SPRED3: variants seen among roughly 807,000 people sequenced by gnomAD.
The protein encoded by SPRED3 is sprouty related EVH1 domain containing 3, also known as sprouty-related, EVH1 domain-containing protein 3.
A neutral mutation model predicts 37.6 loss-of-function variants in SPRED3; 23 were observed. The ratio of observed to expected loss-of-function variants is 0.61; its 90% CI spans 0.44 to 0.87. The LOEUF (loss-of-function observed/expected upper bound fraction) is 0.87. Ranked by LOEUF, SPRED3 falls within the 40% of genes least tolerant of loss-of-function variation. The pLI, the probability that SPRED3 is intolerant of heterozygous loss-of-function variation, is 0.00. For synonymous variants in SPRED3, 302 were observed against 279.6 expected (o/e 1.08, Z -0.80); for missense variants, 584 against 618.6 (o/e 0.94, Z 0.59).
intron 4 of SPRED3, among the ~76,000 whole-genome samples, chr19:38,393,840 G>A (rs1396657980): frequency 6.6e-6 from 1 of 152,182 alleles, no homozygotes; most frequent in Non-Finnish European, 1.5e-5. Flanking sequence ...GAAACCTTGG[G>A]AGTTGCCTAA....
At chr19:38,394,591 C>A in intron 4 of SPRED3, 52 bp from the exon 5 acceptor site, 4 of 1,556,554 alleles carry the variant, frequency 2.6e-6, no homozygotes, top group Non-Finnish European at 3.5e-6. Context: ...TATGTGAGGG[C>A]ATCGGCTGTG....
At chr19:38,394,400 T>C (rs1169122700) in intron 4 of SPRED3, 27 of 1,568,928 alleles carry the variant, frequency 1.7e-5, no homozygotes, top group Non-Finnish European at 2.4e-5. Flanking sequence ...CCCTTGACAG[T>C]GGCCCTAACC....
At chr19:38,394,298 A>G in intron 4 of SPRED3, 1 of 1,428,320 alleles carries the variant, frequency 7.0e-7, no homozygotes, top group Middle Eastern at 1.9e-4. Flanking sequence ...GATGTTCCTC[A>G]GGTTTGGCGA....
At position 38,395,727 on chromosome 19, in the gene SPRED3, C is replaced by G; in HGVS notation, c.815C>G (p.Ala272Gly). Reference sequence around the variant, plus strand: ...GAGGCTGCGCCCCCAGCGCCCCCCGCTCGCCCACCCCCCGGCCCGGGCCCA... The same window carrying G: ...GAGGCTGCGCCCCCAGCGCCCCCCGGTCGCCCACCCCCCGGCCCGGGCCCA... ...LTEAAPPAPP[A>G]RPPPGPGPSS... Residue 272 changes from alanine to glycine, a missense_variant, in exon 6 of 6, where the codon GCT becomes GGT. By Grantham distance (60) the Ala-to-Gly change is moderately conservative (BLOSUM62 0). Coordinates refer to ENST00000691638, the MANE Select transcript of SPRED3 (RefSeq NM_001394336.1). This position sits in a 1 kb window ranked among gnomAD's most constrained non-coding sequence, Gnocchi z 5.2. 2 of 1,452,618 alleles carry G rather than the reference C, an allele frequency of 1.4e-6. No individual in the cohort carries two copies. The highest frequency in any genetic ancestry group is 2.8e-5 in the South Asian group (2 of 72,718). 90.0% of individuals were successfully genotyped at this position (1,452,618 alleles called of 1,614,324 possible).
At chr19:38,393,751 G>A (rs998430898) in intron 4 of SPRED3, among the ~76,000 whole-genome samples, 5 of 152,210 alleles carry the variant, frequency 3.3e-5, no homozygotes, top group African/African-American at 1.2e-4. Flanking sequence ...CTGGCACACA[G>A]TAAGTGTTTA....
Position 38,391,997 on chromosome 19 carries a change from C to A in SPRED3, c.229C>A (p.Pro77Thr). The A allele has an allele frequency of 6.2e-7, 1 of 1,614,142 alleles. No individual in the cohort carries two copies. Among genetic ancestry groups the A allele is most frequent in the Non-Finnish European group, 8.5e-7 (1 of 1,180,032 alleles). Residue 77 changes from proline to threonine, a missense_variant, in exon 3 of 6, where the codon CCC (proline) becomes ACC (threonine). This residue lies in a region of SPRED3 where 88 missense variants were observed against 77.0 expected (regional missense o/e 1.14). Coordinates refer to ENST00000691638, the MANE Select transcript of SPRED3 (RefSeq NM_001394336.1). ...AGGCTTGGTTTACAACAAGGTGAAT[C>A]CCATCTTTCACCACTGGAGCCTGGG... ...KPGLVYNKVN[P>T]IFHHWSLGDC...
intron 2 of SPRED3, among the ~76,000 whole-genome samples, chr19:38,391,074 A>G (rs1241421091): frequency 6.6e-6 from 1 of 151,516 alleles, no homozygotes; most frequent in African/African-American, 2.4e-5. Flanking sequence ...TTTTTGGAGC[A>G]GGAGTCAGTG....
At chr19:38,390,263 C>T in intron 1 of SPRED3, 36 bp from the exon 2 acceptor site, 1 of 1,332,044 alleles carries the variant, frequency 7.5e-7, no homozygotes, top group Non-Finnish European at 9.7e-7. Flanking sequence ...GAGCTCATGA[C>T]TGTGTTGTCC....
chr19:38,389,784 T>TGGGGGGGGGGGGGGGGGGGGGG (rs991295929), intron 1 of SPRED3: 1 of 30,730 alleles, frequency 3.3e-5, no homozygotes, highest in African/African-American at 1.3e-4. Context: ...AAGGGGTGGG[T>TGGGGGGGGGGGGGGGGGGGGGG]GGGGGGGAAA....
At chr19:38,392,176 C>T in intron 3 of SPRED3, 36 bp from the exon 4 acceptor site, 1 of 1,607,210 alleles carries the variant, frequency 6.2e-7, no homozygotes. Context: ...AAGCTGGGCT[C>T]AAGGAACTCA....
rs1654661688 is a variant in SPRED3, at chr19:38,396,310, ACTGAGAGACCC to A, written c.*167_*177del. On this transcript the variant is annotated 3_prime_UTR_variant, in exon 6 of 6. Coordinates refer to ENST00000691638, the MANE Select transcript of SPRED3 (RefSeq NM_001394336.1). ...CTGGAACCTGGAACCCAAACCTAGG[ACTGAGAGACCC>A]CAGCCCCAGCTTCATTGGGGTGTCT... 2.2e-6 allele frequency: 1 copy of A among 447,464 alleles called. No homozygotes were observed. The highest frequency in any genetic ancestry group is 3.5e-6 in the Non-Finnish European group (1 of 282,866). The allele number at this position is 447,464 out of a possible 1,614,324, so 27.7% of individuals were successfully genotyped here.
Position 38,395,657 on chromosome 19 carries a change from G to T in SPRED3, c.745G>T (p.Gly249Cys). The T allele has an allele frequency of 6.6e-7, 1 of 1,520,794 alleles. No homozygotes were observed. Among genetic ancestry groups the T allele is most frequent in the Non-Finnish European group, 8.7e-7 (1 of 1,145,126 alleles). The allele number at this position is 1,520,794 out of a possible 1,614,324, so 94.2% of individuals were successfully genotyped here. A position where few individuals can be genotyped will look rare whatever the true frequency, so the allele number is the denominator to read the frequency against. Residue 249 changes from glycine to cysteine, a missense_variant, in exon 6 of 6, where the codon GGC becomes TGC. Gly to Cys is a radical substitution (Grantham distance 159). Around this residue, in one of 7 missense-constraint regions of SPRED3, gnomAD observed 310 missense variants for 281.1 expected, o/e 1.10. Coordinates refer to ENST00000691638, the MANE Select transcript of SPRED3 (RefSeq NM_001394336.1). The surrounding 1 kb of genome is among the most constrained non-coding windows in gnomAD (Gnocchi z 5.2). ...VRFAKTGALR[G>C]AALGPPAALP... is the part of the protein sequence containing the mutation. The stretch of plus-strand genomic sequence containing the variant: ...CTTCGCCAAGACCGGCGCGTTGAGG[G>T]GCGCTGCCCTGGGTCCCCCAGCGGC...
Position 38,395,916 on chromosome 19 carries a change from C to A in SPRED3, c.1004C>A (p.Ala335Asp). The A allele has an allele frequency of 6.6e-7, 1 of 1,512,048 alleles. No homozygotes were observed. Among genetic ancestry groups the A allele is most frequent in the Non-Finnish European group, 8.8e-7 (1 of 1,139,452 alleles). The allele number at this position is 1,512,048 out of a possible 1,614,324, so 93.7% of individuals were successfully genotyped here. ...LVRRLSCLWC[A>D]ESLLYHCLSD... is the part of the protein sequence containing the mutation. ...CGCCGTCTAAGCTGCCTGTGGTGCG[C>A]CGAGAGCTTGCTCTACCACTGCCTG... Residue 335 changes from alanine (A) to aspartate (D), a missense_variant, in exon 6 of 6, where the codon GCC becomes GAC. Ala to Asp is a moderately radical substitution (Grantham distance 126). Coordinates refer to ENST00000691638, the MANE Select transcript of SPRED3 (RefSeq NM_001394336.1). This position sits in a 1 kb window ranked among gnomAD's most constrained non-coding sequence, Gnocchi z 5.2.
At chr19:38,391,900 A>C (rs1412490517) in intron 2 of SPRED3, 46 bp from the exon 3 acceptor site, 4 of 1,604,632 alleles carry the variant, frequency 2.5e-6, no homozygotes, top group Non-Finnish European at 2.6e-6. Flanking sequence ...CGTCACAGGC[A>C]TGTCTGGGTT....
chr19:38,392,252 T>G lies in SPRED3; in HGVS notation c.387T>G (p.Pro129=). ...TPSSSSSSSS[P]SQDTAETPCP... ...CCTCCTCCTCCTCCTCCTCCTCTCC[T>G]TCCCAGGATACTGCAGAGACCCCCT... is the stretch of plus-strand genomic sequence containing the variant. Residue 129 remains proline (P), a synonymous_variant, in exon 4 of 6, where the codon CCT becomes CCG. Coordinates refer to ENST00000691638, the MANE Select transcript of SPRED3 (RefSeq NM_001394336.1). 1.3e-6 allele frequency: 2 copies of G among 1,593,508 alleles called. No individual in the cohort carries two copies. The highest frequency in any genetic ancestry group is 1.7e-6 in the Non-Finnish European group (2 of 1,169,852).
At chr19:38,392,436 C>G (rs546321575) in intron 4 of SPRED3, 148 bp downstream of exon 4, 210 of 849,958 alleles carry the variant, frequency 2.5e-4, no homozygotes, top group Non-Finnish European at 3.3e-4. Context: ...TCAATTCAAT[C>G]CCAGTTATTC....
rs1600519530 is a variant in SPRED3, at chr19:38,396,446, C to T, written c.*301C>T. ...CCCATACTTTGCATCTCAGAAAGGC[C>T]AGGGAGCACATAGATCCCGAAAAGG... On this transcript the variant is annotated 3_prime_UTR_variant, in exon 6 of 6. Coordinates refer to ENST00000691638, the MANE Select transcript of SPRED3 (RefSeq NM_001394336.1). 1 of 244,134 alleles carries T rather than the reference C, an allele frequency of 4.1e-6. No individual in the cohort carries two copies. Among genetic ancestry groups the T allele is most frequent in the East Asian group, 7.8e-5 (1 of 12,808 alleles). 15.1% of individuals were successfully genotyped at this position (244,134 alleles called of 1,614,324 possible).
chr19:38,391,324 GAAAAAAA>G (rs769735728), intron 2 of SPRED3, among the ~76,000 whole-genome samples: 1 of 111,662 alleles, frequency 9.0e-6, no homozygotes, highest in African/African-American at 3.4e-5. Context: ...AGCTCATCTG[GAAAAAAA>G]AAAAAAAAAA....
At chr19:38,394,840 C>T in intron 5 of SPRED3, 54 bp downstream of exon 5, 1 of 1,475,090 alleles carries the variant, frequency 6.8e-7, no homozygotes, top group Non-Finnish European at 9.0e-7. Flanking sequence ...CACTCGGGGC[C>T]CGAAGGGAGC....
Sources: gnomAD v4.1 joint callset for allele counts (sites outside exome capture counted in the v4.1 genomes callset) on GRCh38, gnomAD v4.1.1 for gene constraint, gnomAD v4.1.1 regional missense constraint, Gnocchi (gnomAD v3.1) non-coding constraint, MANE v1.5 for transcripts, NCBI Gene and HGNC (gene_info 2026-07-23, HGNC 2026-07-21) for gene names.